The following WDPCP variants were observed in gnomAD, a reference collection of about 807,000 sequenced individuals.
WDPCP encodes WD repeat containing planar cell polarity effector.
A neutral mutation model predicts 93.1 loss-of-function variants in WDPCP; 71 were observed. The observed-to-expected ratio is 0.76, with a 90% CI of 0.63 to 0.93. WDPCP has a LOEUF of 0.93. Among genes scored for constraint, WDPCP ranks in the 40% least tolerant of loss-of-function variants. The pLI is 0.00. For missense variants in WDPCP, 844 were observed against 887.4 expected (o/e 0.95, Z 0.62); for synonymous variants, 315 against 315.0 (o/e 1.00, Z 0.00).
intron 12 of WDPCP, among the ~76,000 whole-genome samples, chr2:63,368,481 A>G (rs1199823501): frequency 1.3e-5 from 2 of 151,926 alleles, no homozygotes; most frequent in Admixed American, 1.3e-4. Flanking sequence ...TCATGCCACC[A>G]TGCCTGGCTA....
At chr2:63,222,033 C>A (rs1431938122) in intron 14 of WDPCP, among the ~76,000 whole-genome samples, 1 of 152,188 alleles carries the variant, frequency 6.6e-6, no homozygotes, top group Non-Finnish European at 1.5e-5. Context: ...CACCACCAGG[C>A]TCTCAAAGAT....
At chr2:63,147,453 A>G (rs1166145677) in intron 17 of WDPCP, among the ~76,000 whole-genome samples, 6 of 152,196 alleles carry the variant, frequency 3.9e-5, no homozygotes, top group Non-Finnish European at 8.8e-5. Flanking sequence ...GAGAATCAAG[A>G]ACGACAGAGA....
intron 15 of WDPCP, among the ~76,000 whole-genome samples, chr2:63,170,140 C>T (rs1673279757): frequency 6.6e-6 from 1 of 151,650 alleles, no homozygotes; most frequent in Admixed American, 6.6e-5. Context: ...GGGATCCTCC[C>T]ACCTTGGCCT....
intron 12 of WDPCP, among the ~76,000 whole-genome samples, chr2:63,331,005 G>C (rs1382635549): frequency 6.6e-6 from 1 of 151,670 alleles, no homozygotes; most frequent in Non-Finnish European, 1.5e-5. Flanking sequence ...AAGTAGCCAG[G>C]ACTACAGATG....
intron 12 of WDPCP, 119 bp from the exon 13 acceptor site, chr2:63,313,430 T>G: frequency 9.6e-7 from 1 of 1,046,134 alleles, no homozygotes; most frequent in Non-Finnish European, 1.4e-6. Flanking sequence ...AAAAATATTT[T>G]CAAACAGAAG....
intron 2 of WDPCP, among the ~76,000 whole-genome samples, chr2:63,804,414 G>A (rs1233149892): frequency 1.3e-5 from 2 of 151,724 alleles, no homozygotes; most frequent in East Asian, 2.0e-4. Flanking sequence ...ACCACACCCG[G>A]CTAATTTTTT....
chr2:63,499,086 G>A (rs1701393597), intron 1 of WDPCP, among the ~76,000 whole-genome samples: 1 of 152,134 alleles, frequency 6.6e-6, no homozygotes, highest in Non-Finnish European at 1.5e-5. Context: ...TATAGAATGG[G>A]CCTCTACTAT....
chr2:63,418,347 T>C (rs930121016), intron 9 of WDPCP, among the ~76,000 whole-genome samples: 3 of 152,178 alleles, frequency 2.0e-5, no homozygotes, highest in African/African-American at 4.8e-5. Flanking sequence ...GGAGAAATGC[T>C]AAATGACAAC....
intron 1 of WDPCP, among the ~76,000 whole-genome samples, chr2:63,554,497 C>G (rs1230084969): frequency 1.3e-5 from 2 of 151,880 alleles, no homozygotes; most frequent in South Asian, 2.1e-4. Flanking sequence ...ATTAAAAATA[C>G]AAAAAATTAG....
intron 1 of WDPCP, among the ~76,000 whole-genome samples, chr2:63,550,190 GAAACACACAC>G (rs1458373375): frequency 1.1e-5 from 1 of 90,358 alleles, no homozygotes; most frequent in African/African-American, 4.9e-5. Context: ...CCCATCTTAA[GAAACACACAC>G]ACACACACAC....
At chr2:63,754,852 T>C (rs762022331) in intron 2 of WDPCP, among the ~76,000 whole-genome samples, 11 of 152,172 alleles carry the variant, frequency 7.2e-5, no homozygotes, top group African/African-American at 1.4e-4. Context: ...TATTATCTCA[T>C]TGTTATTTTG....
In WDPCP at chr2:63,433,161, G is replaced by C. The variant is rs549398118; in HGVS notation, c.825+584C>G. 7.2e-4 allele frequency among the ~76,000 whole-genome samples: 110 copies of C among 152,272 alleles called. 1 individual carries two copies. In the South Asian group the frequency reaches 0.021, roughly 30 times the overall value. On this transcript the variant is annotated intron_variant, in intron 9 of 17. Coordinates refer to ENST00000272321, the MANE Select transcript of WDPCP (RefSeq NM_015910.7). ...TTATCATGAATTGATAGAGGATACT[G>C]TCCTCACCTCATAATCTATAGCTCT...
At chr2:63,455,945 A>G (rs1406692064) in intron 6 of WDPCP, among the ~76,000 whole-genome samples, 3 of 152,210 alleles carry the variant, frequency 2.0e-5, no homozygotes, top group South Asian at 2.1e-4. Context: ...AGTCTCAACA[A>G]AAGTTTGAAA....
chr2:63,808,488 C>T (rs576927733), intron 2 of WDPCP, among the ~76,000 whole-genome samples: 34 of 152,292 alleles, frequency 2.2e-4, no homozygotes, highest in African/African-American at 7.2e-4. Context: ...ATTGCGGGCA[C>T]GCGCTGCCAC....
chr2:63,122,150 G>T, intron 17 of WDPCP, 94 bp from the exon 18 acceptor site: 1 of 1,032,520 alleles, frequency 9.7e-7, no homozygotes, highest in Non-Finnish European at 1.5e-6. Context: ...CTGAAAAATA[G>T]TGAAACAAAA....
At chr2:63,500,752 C>T (rs1055687551) in intron 1 of WDPCP, among the ~76,000 whole-genome samples, 10 of 152,048 alleles carry the variant, frequency 6.6e-5, no homozygotes, top group East Asian at 3.8e-4. Context: ...ACATTTGTAA[C>T]GGTGTTGTAA....
At chr2:63,199,962 TG>T (rs1467667606) in intron 14 of WDPCP, among the ~76,000 whole-genome samples, 1 of 152,238 alleles carries the variant, frequency 6.6e-6, no homozygotes. Context: ...GGGAGCCCAC[TG>T]CTTGCATCAG....
At chr2:63,313,100 G>C in intron 13 of WDPCP, 148 bp downstream of exon 13, 1 of 725,066 alleles carries the variant, frequency 1.4e-6, no homozygotes, top group Non-Finnish European at 2.4e-6. Flanking sequence ...CCAGTTTCAC[G>C]AAAGCAAACC....
At chr2:63,836,468 T>A in the WDPCP span, among the ~76,000 whole-genome samples, 1 of 152,260 alleles carries the variant, frequency 6.6e-6, no homozygotes, top group East Asian at 1.9e-4. Context: ...TGAACTTCTA[T>A]ACATATATCA....
Sources: allele counts gnomAD v4.1 joint callset (sites outside exome capture counted in the v4.1 genomes callset), GRCh38; gene constraint gnomAD v4.1.1; transcripts MANE v1.5; gene names NCBI Gene and HGNC (gene_info 2026-07-23, HGNC 2026-07-21).